CYP2C19: variants seen among roughly 807,000 people sequenced by gnomAD.
The protein encoded by CYP2C19 is cytochrome P450 family 2 subfamily C member 19.
In CYP2C19, 59 loss-of-function variants were observed where a neutral mutation model predicts 40.9. That is an observed-to-expected ratio of 1.44 (90% CI 1.17 to 1.79). The LOEUF is 1.79. Ranked by LOEUF, CYP2C19 falls within the 40% of genes most tolerant of loss-of-function variation. The probability of loss-of-function intolerance (pLI) is 0.00; values close to 1 mark genes in which losing one functional copy is unlikely to be tolerated. For missense variants in CYP2C19, 754 were observed against 596.9 expected (o/e 1.26, Z -2.74); for synonymous variants, 253 against 208.7 (o/e 1.21, Z -1.83).
At chr10:94,775,320 G>T (rs1258823789) in intron 2 of CYP2C19, 70 bp from the exon 3 acceptor site, 12 of 1,612,218 alleles carry the variant, frequency 7.4e-6, no homozygotes, top group Non-Finnish European at 1.0e-5. Context: ...CCATCCACAT[G>T]GCTGCCCAGT....
At chr10:94,806,003 T>C (rs889475219) in intron 5 of CYP2C19, among the ~76,000 whole-genome samples, 2 of 152,158 alleles carry the variant, frequency 1.3e-5, no homozygotes, top group Non-Finnish European at 2.9e-5. Context: ...GTGGATGATG[T>C]GACAAGAAAT....
In CYP2C19 at chr10:94,794,980, G is replaced by A. The variant is rs181936636; in HGVS notation, c.819+12983G>A. On this transcript the variant is annotated intron_variant, in intron 5 of 8. Coordinates refer to ENST00000371321, the MANE Select transcript of CYP2C19 (RefSeq NM_000769.4). ...TGATGAGAGAGGGCATCCTTGTCTTGTGCCAGTTTTCTTTATATATGTAAA... is the reference window on the plus strand; with the variant it reads ...TGATGAGAGAGGGCATCCTTGTCTTATGCCAGTTTTCTTTATATATGTAAA... Among the ~76,000 whole-genome samples, 3 of 151,874 alleles carry A rather than the reference G, an allele frequency of 2.0e-5. No individual in the cohort carries two copies. The East Asian group carries it at 5.8e-4, about 29-fold the overall frequency.
intron 5 of CYP2C19, among the ~76,000 whole-genome samples, chr10:94,816,052 G>A (rs187948065): frequency 6.6e-6 from 1 of 152,088 alleles, no homozygotes; most frequent in Non-Finnish European, 1.5e-5. Context: ...GAATGAAAGA[G>A]GAAATAGAAG....
chr10:94,785,924 G>A (rs1848534165), intron 5 of CYP2C19, among the ~76,000 whole-genome samples: 1 of 151,992 alleles, frequency 6.6e-6, no homozygotes, highest in African/African-American at 2.4e-5. Flanking sequence ...GAGTGGGTTG[G>A]CCAGCCTTCC....
In CYP2C19 at chr10:94,820,730, C is replaced by T. The variant is rs972622925; in HGVS notation, c.961+93C>T. 16 of 1,506,968 alleles carry T rather than the reference C, an allele frequency of 1.1e-5. No individual in the cohort carries two copies. The East Asian group carries it at 3.4e-4, about 32-fold the overall frequency. 93.3% of individuals were successfully genotyped at this position (1,506,968 alleles called of 1,614,324 possible). A position where few individuals can be genotyped will look rare whatever the true frequency, so the allele number is the denominator to read the frequency against. ...CCTTTCTGTTTCTCTTAGAGAAGTT[C>T]CATTATTTAAATTTCTGTGCCCGCA... On this transcript the variant is annotated intron_variant, in intron 6 of 8. Coordinates refer to ENST00000371321, the MANE Select transcript of CYP2C19 (RefSeq NM_000769.4).
At chr10:94,764,511 G>A (rs182867881) in intron 1 of CYP2C19, among the ~76,000 whole-genome samples, 5 of 152,198 alleles carry the variant, frequency 3.3e-5, no homozygotes, top group East Asian at 1.9e-4. Context: ...AAGCCCAGCC[G>A]GCTTCACCTC....
chr10:94,764,239 T>C (rs1359536949), intron 1 of CYP2C19, among the ~76,000 whole-genome samples: 1 of 152,174 alleles, frequency 6.6e-6, no homozygotes, highest in Admixed American at 6.5e-5. Context: ...TTCCCTTATT[T>C]GGCCCCACCC....
chr10:94,794,645 AT>A (rs1479621985), intron 5 of CYP2C19, among the ~76,000 whole-genome samples: 1 of 151,768 alleles, frequency 6.6e-6, no homozygotes, highest in Non-Finnish European at 1.5e-5. Flanking sequence ...ATTCCTAGGT[AT>A]TTTATTCTAT....
intron 5 of CYP2C19, among the ~76,000 whole-genome samples, chr10:94,788,151 T>A (rs965777502): frequency 6.6e-6 from 1 of 152,022 alleles, no homozygotes. Flanking sequence ...TTAAATGGGA[T>A]GGCATTCTTG....
At position 94,849,984 on chromosome 10, in the gene CYP2C19, T is replaced by G. The variant is rs972457511; in HGVS notation, c.1217T>G (p.Met406Arg). 2.5e-6 allele frequency: 4 copies of G among 1,613,754 alleles called. No individual in the cohort carries two copies. Among genetic ancestry groups the G allele is most frequent in the Non-Finnish European group, 3.4e-6 (4 of 1,179,774 alleles). ...HDNKEFPNPE[M>R]FDPRHFLDEG... ...AACAAAGAATTTCCCAACCCAGAGA[T>G]GTTTGACCCTCGTCACTTTCTGGAT... The change falls in exon 8 of 9, where the codon ATG (methionine) becomes AGG (arginine). Residue 406 changes from methionine to arginine, a missense_variant. Coordinates refer to ENST00000371321, the MANE Select transcript of CYP2C19 (RefSeq NM_000769.4).
intron 6 of CYP2C19, among the ~76,000 whole-genome samples, chr10:94,828,658 T>C (rs1315270322): frequency 6.6e-6 from 1 of 150,424 alleles, no homozygotes; most frequent in Admixed American, 6.6e-5. Context: ...ATTTAGTCCA[T>C]TTACATTTAA....
intron 5 of CYP2C19, among the ~76,000 whole-genome samples, chr10:94,795,445 A>G (rs1482127937): frequency 1.3e-5 from 2 of 152,032 alleles, no homozygotes; most frequent in Non-Finnish European, 2.9e-5. Context: ...GCTATTGTGA[A>G]TAGTGCCGCA....
intron 5 of CYP2C19, among the ~76,000 whole-genome samples, chr10:94,799,349 G>A (rs1296888893): frequency 6.6e-6 from 1 of 151,706 alleles, no homozygotes; most frequent in African/African-American, 2.4e-5. Flanking sequence ...CTTTTGGCTT[G>A]TATGGTTTCT....
At chr10:94,776,444 T>C (rs1848408907) in intron 3 of CYP2C19, 1 of 152,156 alleles carries the variant, frequency 6.6e-6, no homozygotes, top group African/African-American at 2.4e-5. Context: ...TCAGCTTGGA[T>C]ACCAAATTAC....
chr10:94,782,996 A>G lies in CYP2C19; in HGVS notation c.819+999A>G, dbSNP rs115223485. On this transcript the variant is annotated intron_variant, in intron 5 of 8. Transcript: ENST00000371321. ...CTTGGGGAGGGATAACATTAAGAGA[A>G]ATACCTAATGTAGATGACAAGTTCA... is the stretch of plus-strand genomic sequence containing the variant. Among the ~76,000 whole-genome samples the G allele has an allele frequency of 3.1e-3, 474 of 152,228 alleles. 3 individuals carry two copies. Among genetic ancestry groups the G allele is most frequent in the African/African-American group, 0.011 (450 of 41,556 alleles).
intron 6 of CYP2C19, among the ~76,000 whole-genome samples, chr10:94,824,405 T>G (rs1007296025): frequency 1.3e-5 from 2 of 152,148 alleles, no homozygotes; most frequent in African/African-American, 4.8e-5. Flanking sequence ...GTGAATGTAT[T>G]TTCAGAAGAA....
intron 8 of CYP2C19, 129 bp from the exon 9 acceptor site, chr10:94,852,604 C>T (rs1408362516): frequency 7.4e-6 from 7 of 945,688 alleles, no homozygotes; most frequent in Non-Finnish European, 1.1e-5. Context: ...ACCCATCTAT[C>T]TACTCATCCC....
chr10:94,782,081 T>G, intron 5 of CYP2C19, 84 bp downstream of exon 5: 1 of 1,175,554 alleles, frequency 8.5e-7, no homozygotes. Flanking sequence ...TACGGATGTT[T>G]AACAGGTCAA....
chr10:94,813,525 C>A (rs1014521892), intron 5 of CYP2C19, among the ~76,000 whole-genome samples: 16 of 151,916 alleles, frequency 1.1e-4, no homozygotes, highest in African/African-American at 3.9e-4. Flanking sequence ...AGTGGCTTTG[C>A]GGAGCTGAAG....
Sources: allele counts gnomAD v4.1 joint callset (sites outside exome capture counted in the v4.1 genomes callset), GRCh38; gene constraint gnomAD v4.1.1; transcripts MANE v1.5; gene names NCBI Gene and HGNC (gene_info 2026-07-23, HGNC 2026-07-21).